EBF2: variants seen among roughly 807,000 people sequenced by gnomAD.
The protein encoded by EBF2 is transcription factor COE2.
EBF2 carries 21 observed loss-of-function variants against 72.8 expected under a neutral mutation model. That is an observed-to-expected ratio of 0.29 (90% CI 0.20 to 0.42). The LOEUF (loss-of-function observed/expected upper bound fraction) is 0.42. EBF2 is among the 10% of genes least tolerant of loss of function. The probability of loss-of-function intolerance (pLI) is 1.00; values close to 1 mark genes in which losing one functional copy is unlikely to be tolerated. For missense variants in EBF2, 637 were observed against 731.2 expected, an observed-to-expected ratio of 0.87 and a Z score of 1.49; for synonymous variants, 299 against 274.2, an observed-to-expected ratio of 1.09 and a Z score of -0.89.
chr8:25,993,236 G>C (rs1334490823), intron 6 of EBF2, among the ~76,000 whole-genome samples: 1 of 152,226 alleles, frequency 6.6e-6, no homozygotes, highest in Non-Finnish European at 1.5e-5. Context: ...CTTTGGATAA[G>C]AGGTGCAAAT....
intron 6 of EBF2, among the ~76,000 whole-genome samples, chr8:25,995,144 A>T (rs1804603764): frequency 6.6e-6 from 1 of 152,030 alleles, no homozygotes; most frequent in African/African-American, 2.4e-5. Flanking sequence ...CATCTCTACT[A>T]AAAATACAAA....
chr8:25,907,040 T>C (rs1167029970), intron 7 of EBF2, among the ~76,000 whole-genome samples: 2 of 152,156 alleles, frequency 1.3e-5, no homozygotes, highest in Non-Finnish European at 2.9e-5. Flanking sequence ...TGTCTGATTG[T>C]GGCCTAACCA....
chr8:25,934,876 C>G (rs1803548522), intron 6 of EBF2, among the ~76,000 whole-genome samples: 1 of 149,930 alleles, frequency 6.7e-6, no homozygotes, highest in South Asian at 2.2e-4. Flanking sequence ...AAAGGCAAAT[C>G]CCCTACGTTC....
chr8:25,976,945 G>A (rs1804278060), intron 6 of EBF2, among the ~76,000 whole-genome samples: 1 of 152,198 alleles, frequency 6.6e-6, no homozygotes, highest in Non-Finnish European at 1.5e-5. Flanking sequence ...TAAACTCCAT[G>A]TTCTCTTGAG....
chr8:26,022,272 T>C lies in EBF2; in HGVS notation c.551+10813A>G, dbSNP rs959260859. Among the ~76,000 whole-genome samples the C allele has an allele frequency of 9.2e-5, 14 of 152,332 alleles. No homozygotes were observed. The East Asian group carries it at 1.2e-3, about 13-fold the overall frequency. ...AGCTCCCAAAATTGTTGATCTTCAA[T>C]TGGGTTTCTGCTCTGTAATGTGGGA... On this transcript the variant is annotated intron_variant, in intron 6 of 15. Coordinates refer to ENST00000520164, the MANE Select transcript of EBF2 (RefSeq NM_022659.4).
At chr8:25,987,377 C>T (rs1804478117) in intron 6 of EBF2, among the ~76,000 whole-genome samples, 1 of 152,310 alleles carries the variant, frequency 6.6e-6, no homozygotes, top group African/African-American at 2.4e-5. Flanking sequence ...GTAGCTTGCT[C>T]AAGTTCACAC....
chr8:25,872,752 C>A (rs368101207), intron 10 of EBF2, among the ~76,000 whole-genome samples: 59 of 152,292 alleles, frequency 3.9e-4, no homozygotes, highest in African/African-American at 1.3e-3. Context: ...CATATAAACA[C>A]AAGACCAGAA....
At chr8:26,033,601 T>C (rs922286142) in intron 5 of EBF2, among the ~76,000 whole-genome samples, 3 of 152,116 alleles carry the variant, frequency 2.0e-5, no homozygotes, top group Non-Finnish European at 2.9e-5. Context: ...CGAGGGGTGG[T>C]GCAGGGAGGG....
chr8:25,902,782 T>C (rs1014510512), intron 7 of EBF2, among the ~76,000 whole-genome samples: 2 of 152,070 alleles, frequency 1.3e-5, no homozygotes, highest in Non-Finnish European at 2.9e-5. Flanking sequence ...ATCACTAAGG[T>C]GGTGACATTC....
At chr8:25,892,995 C>T (rs904201346) in intron 7 of EBF2, among the ~76,000 whole-genome samples, 1 of 152,136 alleles carries the variant, frequency 6.6e-6, no homozygotes, top group African/African-American at 2.4e-5. Context: ...TCTATCACTC[C>T]CCGTAAGTGC....
chr8:26,011,699 T>G (rs375516439), intron 6 of EBF2, among the ~76,000 whole-genome samples: 1 of 152,128 alleles, frequency 6.6e-6, no homozygotes, highest in African/African-American at 2.4e-5. Flanking sequence ...AAATGTGTCT[T>G]TGCAAAATCA....
intron 6 of EBF2, among the ~76,000 whole-genome samples, chr8:25,938,899 AGC>A (rs1803624014): frequency 1.3e-5 from 2 of 152,132 alleles, no homozygotes. Context: ...AATCTTCCAA[AGC>A]ACAAAGCTCA....
chr8:25,942,658 C>T (rs1803695428), intron 6 of EBF2, among the ~76,000 whole-genome samples: 1 of 152,202 alleles, frequency 6.6e-6, no homozygotes, highest in African/African-American at 2.4e-5. Context: ...GCTTGTCTAA[C>T]TCGACTTCAG....
chr8:25,901,131 A>T (rs1802944924), intron 7 of EBF2, among the ~76,000 whole-genome samples: 1 of 152,188 alleles, frequency 6.6e-6, no homozygotes, highest in Non-Finnish European at 1.5e-5. Flanking sequence ...AATAAAAAAA[A>T]TTTAGGCTGG....
chr8:25,871,707 A>T (rs1308290747), intron 10 of EBF2, among the ~76,000 whole-genome samples: 3 of 152,164 alleles, frequency 2.0e-5, no homozygotes, highest in Admixed American at 6.5e-5. Flanking sequence ...ACACATTTCA[A>T]CTGCCACAGA....
chr8:26,042,344 G>C (rs1805616348), intron 1 of EBF2, 93 bp from the exon 2 acceptor site: 2 of 1,439,186 alleles, frequency 1.4e-6, no homozygotes, highest in Admixed American at 2.3e-5. Flanking sequence ...AGGGGTAAGG[G>C]GTCCACTTCC....
At chr8:26,036,895 A>T (rs1016476775) in intron 5 of EBF2, among the ~76,000 whole-genome samples, 5 of 148,500 alleles carry the variant, frequency 3.4e-5, no homozygotes, top group Non-Finnish European at 6.0e-5. Flanking sequence ...CTCTAAGATT[A>T]AAAAAAAAAG....
chr8:25,982,279 A>G (rs1804375094), intron 6 of EBF2, among the ~76,000 whole-genome samples: 1 of 152,224 alleles, frequency 6.6e-6, no homozygotes, highest in African/African-American at 2.4e-5. Context: ...GGAAGTGGTG[A>G]GAAAACTGCC....
chr8:25,992,369 T>G (rs1585219112), intron 6 of EBF2, among the ~76,000 whole-genome samples: 2 of 139,302 alleles, frequency 1.4e-5, no homozygotes, highest in South Asian at 2.3e-4. Context: ...CAAAAGGCAG[T>G]GTATAGGCCA....
Sources: allele counts gnomAD v4.1 joint callset (sites outside exome capture counted in the v4.1 genomes callset), GRCh38; gene constraint gnomAD v4.1.1; transcripts MANE v1.5; gene names NCBI Gene and HGNC (gene_info 2026-07-23, HGNC 2026-07-21).